Variants in GNAO1 observed in about 807,000 individuals in gnomAD.
GNAO1 encodes the protein G protein subunit alpha o1.
For missense variants in GNAO1, 166 were observed against 478.7 expected, an observed-to-expected ratio of 0.35 and a Z score of 6.10; for synonymous variants, 164 against 180.7, an observed-to-expected ratio of 0.91 and a Z score of 0.74.
chr16:56,335,066 T>C (rs866279093), intron 5 of GNAO1, among the ~76,000 whole-genome samples: 20 of 152,304 alleles, frequency 1.3e-4, no homozygotes, highest in South Asian at 2.1e-4. Flanking sequence ...TGGAAGAAGA[T>C]TCCCAGAGTG....
rs1213920283 is a variant in GNAO1 at position 56,311,382 on chromosome 16, C to T, written c.304-17249C>T. 6.6e-6 allele frequency among the ~76,000 whole-genome samples: 1 copy of T among 152,112 alleles called. No individual in the cohort carries two copies. The highest frequency in any genetic ancestry group is 1.5e-5 in the Non-Finnish European group (1 of 68,004). ...CAGTGCCAACCTCTCACCCAGTGAGCCCTGTGCAGCTCTTCCCCAGCAGAG... is the reference window on the plus strand; with the variant it reads ...CAGTGCCAACCTCTCACCCAGTGAGTCCTGTGCAGCTCTTCCCCAGCAGAG... On this transcript the variant is annotated intron_variant, in intron 3 of 8. Transcript: ENST00000262493. The surrounding 1 kb of genome is among the most constrained non-coding windows in gnomAD (Gnocchi z 5.2).
chr16:56,211,262 A>G (rs565324614), intron 2 of GNAO1, among the ~76,000 whole-genome samples: 1 of 152,354 alleles, frequency 6.6e-6, no homozygotes, highest in South Asian at 2.1e-4. Flanking sequence ...AGATGAGGAA[A>G]GTAAGATTCA....
intron 2 of GNAO1, among the ~76,000 whole-genome samples, chr16:56,211,897 A>G (rs2036392423): frequency 1.3e-5 from 2 of 152,352 alleles, no homozygotes; most frequent in Admixed American, 1.3e-4. Context: ...TCAGCGTGAC[A>G]ACTTCCTACT....
intron 2 of GNAO1, among the ~76,000 whole-genome samples, chr16:56,252,897 G>A (rs150201703): frequency 6.6e-6 from 1 of 152,278 alleles, no homozygotes; most frequent in East Asian, 1.9e-4. Flanking sequence ...AGCTCACAGG[G>A]CCTCTTGGTA....
At chr16:56,305,042 C>G (rs2037380521) in intron 3 of GNAO1, among the ~76,000 whole-genome samples, 1 of 152,256 alleles carries the variant, frequency 6.6e-6, no homozygotes, top group Non-Finnish European at 1.5e-5. Flanking sequence ...GCCCCACAGC[C>G]TGGCTCTCTT....
intron 2 of GNAO1, among the ~76,000 whole-genome samples, chr16:56,246,071 A>G (rs1414063479): frequency 1.3e-5 from 2 of 151,568 alleles, no homozygotes; most frequent in African/African-American, 4.9e-5. Flanking sequence ...AGGCCTCCCA[A>G]CTCCCTGGGT....
intron 2 of GNAO1, chr16:56,194,369 C>T: frequency 2.3e-6 from 1 of 431,582 alleles, no homozygotes; most frequent in Non-Finnish European, 4.7e-6. Context: ...CCACCCCTTT[C>T]TCCCGAGGGG....
chr16:56,260,203 CTG>C (rs1457983636), intron 2 of GNAO1, among the ~76,000 whole-genome samples: 7 of 152,188 alleles, frequency 4.6e-5, no homozygotes, highest in Non-Finnish European at 1.0e-4. Flanking sequence ...TGCCGCTACT[CTG>C]TTCTCCCAGG....
At chr16:56,256,704 CTCTCTCTCTCTCTCTGTG>C (rs1311553578) in intron 2 of GNAO1, among the ~76,000 whole-genome samples, 2 of 118,646 alleles carry the variant, frequency 1.7e-5, no homozygotes, top group South Asian at 2.8e-4. Flanking sequence ...CTCTCTCTCT[CTCTCTCTCTCTCTCTGTG>C]TGTGTGTGTG....
chr16:56,331,459 C>T (rs779678484), intron 4 of GNAO1, among the ~76,000 whole-genome samples: 1 of 152,178 alleles, frequency 6.6e-6, no homozygotes, highest in African/African-American at 2.4e-5. Flanking sequence ...CTTGCTCCTC[C>T]GCCTGCTGAG....
Position 56,192,279 on chromosome 16 carries a change from G to A in GNAO1, c.44G>A (p.Arg15Gln). 6.2e-7 allele frequency: 1 copy of A among 1,610,688 alleles called. No homozygotes were observed. The highest frequency in any genetic ancestry group is 8.5e-7 in the Non-Finnish European group (1 of 1,178,312). The change falls in exon 1 of 9, where the codon CGG becomes CAG. Residue 15 changes from arginine (R) to glutamine (Q), a missense_variant. Arg to Gln is a conservative substitution (Grantham distance 43, BLOSUM62 1). Transcript: ENST00000262493. ...LSAEERAALE[R>Q]SKAIEKNLKE... ...GCAGAGGAGAGAGCCGCCCTCGAGC[G>A]GAGCAAGGCGATTGAGAAAAACCTC... is the stretch of plus-strand genomic sequence containing the variant.
chr16:56,355,207 TTATA>T (rs57085646), intron 8 of GNAO1, 126 bp downstream of exon 8: 20 of 200,618 alleles, frequency 1.0e-4, no homozygotes, highest in East Asian at 1.2e-4. Context: ...TAACAAAACC[TTATA>T]TATATATATA....
At position 56,356,408 on chromosome 16, in the gene GNAO1, C is replaced by A. The variant is rs74369951; in HGVS notation, c.*334C>A. 1 of 152,548 alleles carries A rather than the reference C, an allele frequency of 6.6e-6. No homozygotes were observed. The highest frequency in any genetic ancestry group is 1.5e-5 in the Non-Finnish European group (1 of 68,062). 9.4% of individuals were successfully genotyped at this position (152,548 alleles called of 1,614,324 possible). A position where few individuals can be genotyped will look rare whatever the true frequency, so the allele number is the denominator to read the frequency against. ...ACATACCCATCTGCACCGACGCCTG[C>A]CCCCGTCCCACCTCGCGGCGCAGCC... On this transcript the variant is annotated 3_prime_UTR_variant, in exon 9 of 9. Coordinates refer to ENST00000262493, the MANE Select transcript of GNAO1 (RefSeq NM_020988.3).
chr16:56,220,001 A>C (rs2036469306), intron 2 of GNAO1, among the ~76,000 whole-genome samples: 1 of 152,210 alleles, frequency 6.6e-6, no homozygotes, highest in Non-Finnish European at 1.5e-5. Context: ...AGAGGAACAA[A>C]AGGAGTGGAA....
intron 2 of GNAO1, among the ~76,000 whole-genome samples, chr16:56,219,178 G>C (rs1290243238): frequency 6.6e-6 from 1 of 152,158 alleles, no homozygotes; most frequent in African/African-American, 2.4e-5. Context: ...GGAGTGTACT[G>C]GTGCCCAATG....
rs1456308807 is a variant in GNAO1 at position 56,346,078 on chromosome 16, C to A, written c.724-5306C>A. ...CTTCCTGCCCTCCATCCCCAGCCTG[C>A]CTTTCTCTTCCTTTGGATGCTCCAT... On this transcript the variant is annotated intron_variant, in intron 6 of 8. Transcript: ENST00000262493. The A allele has an allele frequency of 7.1e-6, 7 of 985,426 alleles. No homozygotes were observed. The African/African-American group carries it at 1.2e-4, about 17-fold the overall frequency. 61.0% of individuals were successfully genotyped at this position (985,426 alleles called of 1,614,324 possible). A position where few individuals can be genotyped will look rare whatever the true frequency, so the allele number is the denominator to read the frequency against.
At chr16:56,220,018 C>T (rs2036469545) in intron 2 of GNAO1, among the ~76,000 whole-genome samples, 1 of 152,252 alleles carries the variant, frequency 6.6e-6, no homozygotes, top group African/African-American at 2.4e-5. Flanking sequence ...GGAACCATAG[C>T]CCCAGAAATG....
chr16:56,281,390 C>G (rs1482779616), intron 3 of GNAO1, among the ~76,000 whole-genome samples: 3 of 152,184 alleles, frequency 2.0e-5, no homozygotes, highest in African/African-American at 7.2e-5. Context: ...TGCCTTACCC[C>G]CCTGGGTTCT....
At chr16:56,350,530 G>T (rs979872834) in intron 6 of GNAO1, among the ~76,000 whole-genome samples, 4 of 152,216 alleles carry the variant, frequency 2.6e-5, no homozygotes, top group African/African-American at 9.6e-5. Flanking sequence ...GCATCTGTGG[G>T]GCGCCCATCA....
Sources: gnomAD v4.1 joint callset for allele counts (sites outside exome capture counted in the v4.1 genomes callset) on GRCh38, gnomAD v4.1.1 for gene constraint, Gnocchi (gnomAD v3.1) non-coding constraint, MANE v1.5 for transcripts, NCBI Gene and HGNC (gene_info 2026-07-23, HGNC 2026-07-21) for gene names.